The following SAMHD1 variants were observed in gnomAD, a reference collection of about 807,000 sequenced individuals.
SAMHD1 encodes the protein deoxynucleoside triphosphate triphosphohydrolase SAMHD1.
SAMHD1 carries 54 observed loss-of-function variants against 79.6 expected under a neutral mutation model. The observed-to-expected ratio is 0.68, with a 90% CI of 0.55 to 0.85. The LOEUF (loss-of-function observed/expected upper bound fraction) is 0.85. Ranked by LOEUF, SAMHD1 falls within the 40% of genes least tolerant of loss-of-function variation. SAMHD1 has a pLI of 0.00. For missense variants in SAMHD1, 663 were observed against 782.7 expected (o/e 0.85, Z 1.82); for synonymous variants, 260 against 264.1 (o/e 0.98, Z 0.15).
intron 4 of SAMHD1, among the ~76,000 whole-genome samples, chr20:36,933,026 C>A (rs934071654): frequency 1.3e-5 from 2 of 152,066 alleles, no homozygotes; most frequent in African/African-American, 4.8e-5. Flanking sequence ...TTCCTAAATT[C>A]TTTTCCCCTG....
rs373079404 is a variant in SAMHD1, at chr20:36,904,215, C to G, written c.1445G>C (p.Ser482Thr). The G allele has an allele frequency of 6.2e-7, 1 of 1,613,682 alleles. No homozygotes were observed. Among genetic ancestry groups the G allele is most frequent in the Non-Finnish European group, 8.5e-7 (1 of 1,179,724 alleles). The change falls in exon 13 of 16, where the codon AGT (serine) becomes ACT (threonine). Residue 482 changes from serine to threonine, a missense_variant. Transcript: ENST00000646673. ...DYESLPKEVA[S>T]AKPKVLLDVK... ...GTCTAGCAATACTTTGGGTTTAGCA[C>G]TGGCAACCTCTTTTGGAAGAGATTC...
At chr20:36,901,716 A>G (rs575106575) in intron 13 of SAMHD1, among the ~76,000 whole-genome samples, 44 of 152,316 alleles carry the variant, frequency 2.9e-4, no homozygotes, top group Non-Finnish European at 4.6e-4. Context: ...AGCCTGGGCA[A>G]CAGAGTGAGA....
rs769445220 is a variant in SAMHD1 at position 36,951,563 on chromosome 20, G to A, written c.81C>T (p.Ser27=). The A allele has an allele frequency of 1.2e-6, 2 of 1,614,098 alleles. No individual in the cohort carries two copies. Among genetic ancestry groups the A allele is most frequent in the South Asian group, 2.2e-5 (2 of 91,094 alleles). The part of the protein sequence containing the change: ...DSPRTPSNTP[S]AEADWSPGLE... The stretch of plus-strand genomic sequence containing the variant: ...GGCCCGGGGACCAGTCTGCCTCTGC[G>A]GAAGGGGTGTTTGAGGGGGTTCTCG... Residue 27 remains serine (S), a synonymous_variant, in exon 1 of 16, where the codon TCC becomes TCT. Transcript: ENST00000646673.
chr20:36,922,004 T>C (rs2063509041), intron 6 of SAMHD1, among the ~76,000 whole-genome samples: 1 of 152,140 alleles, frequency 6.6e-6, no homozygotes, highest in African/African-American at 2.4e-5. Context: ...ACATCACTTT[T>C]GTGGCATTCT....
intron 9 of SAMHD1, among the ~76,000 whole-genome samples, chr20:36,913,218 CA>C (rs2063455932): frequency 6.6e-6 from 1 of 150,970 alleles, no homozygotes; most frequent in Non-Finnish European, 1.5e-5. Flanking sequence ...AGGATGGTCT[CA>C]ATCTCCTGAC....
chr20:36,904,354 T>C (rs1361674733), intron 12 of SAMHD1, 105 bp from the exon 13 acceptor site: 1 of 795,908 alleles, frequency 1.3e-6, no homozygotes, highest in East Asian at 2.5e-5. Flanking sequence ...GAAAAACGAT[T>C]AGAGATATCC....
intron 9 of SAMHD1, among the ~76,000 whole-genome samples, chr20:36,914,861 A>T (rs2063466043): frequency 1.3e-5 from 2 of 149,916 alleles, no homozygotes; most frequent in Non-Finnish European, 3.0e-5. Context: ...AAAATAGAAA[A>T]ATTAGCCCGG....
intron 14 of SAMHD1, 83 bp from the exon 15 acceptor site, chr20:36,898,042 CT>C (rs570803929): frequency 4.7e-4 from 718 of 1,514,990 alleles, no homozygotes; most frequent in Non-Finnish European, 5.6e-4. Context: ...CTAACTATTC[CT>C]TTTTTTTTGA....
intron 11 of SAMHD1, among the ~76,000 whole-genome samples, chr20:36,910,306 G>C (rs1257613087): frequency 6.6e-6 from 1 of 151,816 alleles, no homozygotes; most frequent in African/African-American, 2.4e-5. Flanking sequence ...CTGAGGCTGA[G>C]GCAAGAGGAT....
Position 36,929,844 on chromosome 20 carries a change from T to C in SAMHD1, c.625+916A>G, listed in dbSNP as rs186232561. ...AAGACAAGGAGTTCTCTAAATGTGT[T>C]AATCCACTTGGGCAGATTAGAGATT... On this transcript the variant is annotated intron_variant, in intron 5 of 15. Transcript: ENST00000646673. Among the ~76,000 whole-genome samples the C allele has an allele frequency of 1.4e-4, 21 of 152,312 alleles. No homozygotes were observed. In the East Asian group the frequency reaches 3.7e-3, roughly 27 times the overall value.
At chr20:36,895,442 C>A (rs1990179853) in intron 15 of SAMHD1, among the ~76,000 whole-genome samples, 1 of 151,946 alleles carries the variant, frequency 6.6e-6, no homozygotes, top group Non-Finnish European at 1.5e-5. Context: ...TCACCCTATA[C>A]CCAAAGTACT....
intron 4 of SAMHD1, among the ~76,000 whole-genome samples, chr20:36,932,606 G>A (rs764632224): frequency 2.0e-5 from 3 of 151,594 alleles, no homozygotes; most frequent in East Asian, 1.9e-4. Flanking sequence ...TAGTAGAGAC[G>A]GGGTTTCGCC....
chr20:36,900,192 G>T (rs908766724), intron 13 of SAMHD1, among the ~76,000 whole-genome samples: 5 of 152,162 alleles, frequency 3.3e-5, no homozygotes, highest in African/African-American at 1.2e-4. Flanking sequence ...CTAGATAGGA[G>T]GAGTAAGTTC....
chr20:36,946,760 G>C lies in SAMHD1; in HGVS notation c.253C>G (p.Arg85Gly), dbSNP rs765170388. The change falls in exon 2 of 16, where the codon CGT (arginine) becomes GGT (glycine). Residue 85 changes from arginine to glycine, a missense_variant. Arg to Gly is a moderately radical substitution (Grantham distance 125). Transcript: ENST00000646673. ...TACCTTACTCCAAGATTTTCAAAAC[G>C]AGACTCATCAAGACAAGGCAGTAAT... Reference protein sequence around the residue: ...GALLPCLDESRFENLGVSSLG... With the variant: ...GALLPCLDESGFENLGVSSLG... The C allele has an allele frequency of 3.7e-6, 6 of 1,612,788 alleles. 1 individual carries two copies. In the East Asian group the frequency reaches 1.3e-4, roughly 36 times the overall value.
chr20:36,904,295 G>T, intron 12 of SAMHD1, 46 bp from the exon 13 acceptor site: 1 of 1,313,366 alleles, frequency 7.6e-7, no homozygotes, highest in East Asian at 2.3e-5. Context: ...TTTTCATCAA[G>T]TCTTTGAGCC....
chr20:36,912,792 TGC>T, intron 9 of SAMHD1, among the ~76,000 whole-genome samples: 1 of 143,358 alleles, frequency 7.0e-6, no homozygotes, highest in African/African-American at 2.6e-5. Context: ...GATGAGGTCT[TGC>T]TATGTTGCTC....
intron 9 of SAMHD1, among the ~76,000 whole-genome samples, chr20:36,912,895 T>G (rs1416966378): frequency 2.3e-5 from 3 of 128,626 alleles, no homozygotes; most frequent in Non-Finnish European, 4.8e-5. Flanking sequence ...CTTTGTTTTT[T>G]TTTTTTTTTT....
At chr20:36,910,857 A>G (rs956906530) in intron 11 of SAMHD1, among the ~76,000 whole-genome samples, 1 of 152,174 alleles carries the variant, frequency 6.6e-6, no homozygotes, top group Non-Finnish European at 1.5e-5. Context: ...CATTTTATAG[A>G]TGAAAGATTC....
intron 11 of SAMHD1, among the ~76,000 whole-genome samples, chr20:36,909,680 C>CAAAAAA (rs56389967): frequency 4.1e-5 from 5 of 121,212 alleles, no homozygotes; most frequent in African/African-American, 7.6e-5. Context: ...CACCCCCCTC[C>CAAAAAA]AAAAAAAAAA....
Sources: allele counts gnomAD v4.1 joint callset (sites outside exome capture counted in the v4.1 genomes callset), GRCh38; gene constraint gnomAD v4.1.1; transcripts MANE v1.5; gene names NCBI Gene and HGNC (gene_info 2026-07-23, HGNC 2026-07-21).